Variants in ZNF850 observed in about 807,000 individuals in gnomAD.
ZNF850 encodes zinc finger protein 850, also known as putative zinc finger protein ENSP00000330994.
ZNF850 carries 2 observed loss-of-function variants against 11.9 expected under a neutral mutation model. The observed-to-expected ratio is 0.17, with a 90% CI of 0.07 to 0.53. ZNF850 has a LOEUF of 0.53. Ranked by LOEUF, ZNF850 falls within the 20% of genes least tolerant of loss-of-function variation. The pLI is 0.94. For missense variants in ZNF850, 1,014 were observed against 1,316.4 expected, an observed-to-expected ratio of 0.77 and a Z score of 3.55; for synonymous variants, 381 against 443.0, an observed-to-expected ratio of 0.86 and a Z score of 1.76.
chr19:36,757,044 C>T (rs185397065), intron 4 of ZNF850, among the ~76,000 whole-genome samples: 7 of 152,234 alleles, frequency 4.6e-5, no homozygotes, highest in Admixed American at 4.6e-4. Context: ...TTACTCATTC[C>T]AAATGTAGGC....
Position 36,762,584 on chromosome 19 carries a change from C to T in ZNF850, c.12+11G>A. 1 of 1,535,960 alleles carries T rather than the reference C, an allele frequency of 6.5e-7. No homozygotes were observed. On this transcript the variant is annotated intron_variant, in intron 2 of 4. Transcript: ENST00000591344. ...AAGAGTAAAAAAATTAGTGTAACTT[C>T]AACAAAGTACCTCCATGTTCATGAA...
chr19:36,758,864 G>C (rs1199472448), intron 4 of ZNF850, among the ~76,000 whole-genome samples: 1 of 151,756 alleles, frequency 6.6e-6, no homozygotes, highest in African/African-American at 2.4e-5. Context: ...AGATCACGAG[G>C]TCAGGAGATC....
At position 36,762,634 on chromosome 19, in the gene ZNF850, T is replaced by A; in HGVS notation, c.-28A>T. 1 of 1,534,446 alleles carries A rather than the reference T, an allele frequency of 6.5e-7. No individual in the cohort carries two copies. Among genetic ancestry groups the A allele is most frequent in the East Asian group, 2.4e-5 (1 of 40,920 alleles). Reference sequence around the variant, plus strand: ...ATATTCCTGTTGCAGCCAGCAAACCTCCTTCATAGAATGGGACATTCCGAA... The same window carrying A: ...ATATTCCTGTTGCAGCCAGCAAACCACCTTCATAGAATGGGACATTCCGAA... On this transcript the variant is annotated 5_prime_UTR_variant, in exon 2 of 5. Coordinates refer to ENST00000591344, the MANE Select transcript of ZNF850 (RefSeq NM_001193552.2).
intron 4 of ZNF850, among the ~76,000 whole-genome samples, chr19:36,758,875 A>G (rs1483750066): frequency 6.6e-6 from 1 of 151,540 alleles, no homozygotes; most frequent in Non-Finnish European, 1.5e-5. Context: ...TCAGGAGATC[A>G]AGACCATCCT....
At chr19:36,772,280 G>GT (rs1486251933) in intron 1 of ZNF850, among the ~76,000 whole-genome samples, 1 of 152,088 alleles carries the variant, frequency 6.6e-6, no homozygotes, top group East Asian at 1.9e-4. Flanking sequence ...TGCCTAAAGA[G>GT]TTTTTTCTCT....
chr19:36,760,956 T>C (rs2040514322), intron 4 of ZNF850, among the ~76,000 whole-genome samples: 1 of 151,170 alleles, frequency 6.6e-6, no homozygotes, highest in South Asian at 2.1e-4. Flanking sequence ...AAGTTAAGGA[T>C]CAGTATGAAA....
intron 1 of ZNF850, among the ~76,000 whole-genome samples, chr19:36,767,337 A>C (rs2040554949): frequency 6.6e-6 from 1 of 151,952 alleles, no homozygotes; most frequent in Non-Finnish European, 1.5e-5. Context: ...CGGGCAGATG[A>C]CTTGAGGTCA....
chr19:36,751,065 TAAAAAAAA>T (rs34721047), intron 4 of ZNF850, among the ~76,000 whole-genome samples: 1 of 89,434 alleles, frequency 1.1e-5, no homozygotes, highest in Non-Finnish European at 2.1e-5. Context: ...GACCCTGTCT[TAAAAAAAA>T]AAAAAAAAAA....
At position 36,761,494 on chromosome 19, in the gene ZNF850, C is replaced by T. The variant is rs879026716; in HGVS notation, c.235+149G>A. ...TTAAAAAGTGTGTGTGGGGGTGTAT[C>T]GTGACTTCTCTTCATGTGTCTTAGG... On this transcript the variant is annotated intron_variant, in intron 4 of 4. Transcript: ENST00000591344. 20 of 421,584 alleles carry T rather than the reference C, an allele frequency of 4.7e-5. No homozygotes were observed. In the South Asian group the frequency reaches 5.9e-4, roughly 12 times the overall value. 26.1% of individuals were successfully genotyped at this position (421,584 alleles called of 1,614,324 possible).
chr19:36,767,230 C>A (rs1260969459), intron 1 of ZNF850, among the ~76,000 whole-genome samples: 2 of 149,330 alleles, frequency 1.3e-5, no homozygotes, highest in African/African-American at 5.0e-5. Flanking sequence ...GAGCGAGACT[C>A]AGTATCAAAA....
intron 1 of ZNF850, among the ~76,000 whole-genome samples, chr19:36,768,304 A>T (rs1381487997): frequency 6.6e-6 from 1 of 152,128 alleles, no homozygotes; most frequent in Non-Finnish European, 1.5e-5. Context: ...ATCTCCATAA[A>T]ATCATCAATT....
chr19:36,763,459 G>C (rs1234315339), intron 1 of ZNF850, among the ~76,000 whole-genome samples: 1 of 151,442 alleles, frequency 6.6e-6, no homozygotes, highest in Non-Finnish European at 1.5e-5. Context: ...CAGGAGAATT[G>C]CTTGAACCTG....
At chr19:36,757,792 C>G (rs933208440) in intron 4 of ZNF850, among the ~76,000 whole-genome samples, 12 of 151,998 alleles carry the variant, frequency 7.9e-5, no homozygotes, top group African/African-American at 4.8e-5. Context: ...TCCCAAAGTG[C>G]TGGGATTTAC....
chr19:36,750,474 T>G lies in ZNF850; in HGVS notation c.566A>C (p.Glu189Ala). The change falls in exon 5 of 5, where the codon GAA becomes GCA. Residue 189 changes from glutamate (E) to alanine (A), a missense_variant. Coordinates refer to ENST00000591344, the MANE Select transcript of ZNF850 (RefSeq NM_001193552.2). ...ATAGAGTTTTTCACCAGTATGGGTTTCTTGCTGTTGTGTAAGTTCTGAGCC... is the reference window on the plus strand; with the variant it reads ...ATAGAGTTTTTCACCAGTATGGGTTGCTTGCTGTTGTGTAAGTTCTGAGCC... ...KYGSELTQQQ[E>A]THTGEKLYKC... 1 of 1,536,410 alleles carries G rather than the reference T, an allele frequency of 6.5e-7. No homozygotes were observed. The highest frequency in any genetic ancestry group is 1.4e-5 in the African/African-American group (1 of 73,174).
chr19:36,744,399 C>G lies in ZNF850; in HGVS notation c.*3368G>C, dbSNP rs1046594836. On this transcript the variant is annotated 3_prime_UTR_variant, in exon 5 of 5. Coordinates refer to ENST00000591344, the MANE Select transcript of ZNF850 (RefSeq NM_001193552.2). Reference sequence around the variant, plus strand: ...TCCCAGCACCTAGGAGGCTGAGGTGCTAGGACCAATTGAGCCCAAGAGTTC... The same window carrying G: ...TCCCAGCACCTAGGAGGCTGAGGTGGTAGGACCAATTGAGCCCAAGAGTTC... 5 of 151,776 alleles carry G rather than the reference C, an allele frequency of 3.3e-5. No homozygotes were observed. The highest frequency in any genetic ancestry group is 7.4e-5 in the Non-Finnish European group (5 of 67,960). The allele number at this position is 151,776 out of a possible 1,614,324, so 9.4% of individuals were successfully genotyped here.
chr19:36,750,511 C>G lies in ZNF850; in HGVS notation c.529G>C (p.Ala177Pro). The G allele has an allele frequency of 6.5e-7, 1 of 1,536,166 alleles. No individual in the cohort carries two copies. Among genetic ancestry groups the G allele is most frequent in the Non-Finnish European group, 8.7e-7 (1 of 1,146,918 alleles). The change falls in exon 5 of 5, where the codon GCT (alanine) becomes CCT (proline). Residue 177 changes from alanine to proline, a missense_variant. Coordinates refer to ENST00000591344, the MANE Select transcript of ZNF850 (RefSeq NM_001193552.2). ...GTAAGTTCTGAGCCATACTTAAAAG[C>G]CATACATTCTGTGGATTTATACAGT... ...EKLYKSTECM[A>P]FKYGSELTQQ...
chr19:36,747,899 G>A lies in ZNF850; in HGVS notation c.3141C>T (p.Phe1047=). The change falls in exon 5 of 5, where the codon TTC becomes TTT. Residue 1047 remains phenylalanine (F), a synonymous_variant. Transcript: ENST00000591344. ...GATGTCGGCTGAGTCCTGAGGCATA[G>A]AAAAAGGCTTTCCCACATTCCGGAC... The part of the protein sequence containing the change: ...YQCPECGKAF[F]YASGLSRHQS... 6.4e-7 allele frequency: 1 copy of A among 1,571,038 alleles called. No homozygotes were observed. The highest frequency in any genetic ancestry group is 1.2e-5 in the South Asian group (1 of 86,578).
At chr19:36,753,853 A>G (rs1040959272) in intron 4 of ZNF850, among the ~76,000 whole-genome samples, 2 of 152,160 alleles carry the variant, frequency 1.3e-5, no homozygotes, top group African/African-American at 4.8e-5. Flanking sequence ...AATGGAGGCA[A>G]TCTGGCTCAA....
chr19:36,763,162 A>G (rs1249847259), intron 1 of ZNF850, among the ~76,000 whole-genome samples: 1 of 151,794 alleles, frequency 6.6e-6, no homozygotes, highest in Admixed American at 6.6e-5. Flanking sequence ...AAGTGCTGGG[A>G]TTACAGGCAT....
Sources: allele counts gnomAD v4.1 joint callset (sites outside exome capture counted in the v4.1 genomes callset), GRCh38; gene constraint gnomAD v4.1.1; transcripts MANE v1.5; gene names NCBI Gene and HGNC (gene_info 2026-07-23, HGNC 2026-07-21).